RALGAPA1: variants seen among roughly 807,000 people sequenced by gnomAD.
The protein encoded by RALGAPA1 is Ral GTPase activating protein catalytic subunit alpha 1.
A neutral mutation model predicts 269.6 loss-of-function variants in RALGAPA1; 52 were observed. The ratio of observed to expected loss-of-function variants is 0.19; its 90% CI spans 0.15 to 0.24. The LOEUF (loss-of-function observed/expected upper bound fraction) is 0.24. Among genes scored for constraint, RALGAPA1 ranks in the 10% least tolerant of loss-of-function variants. The probability of loss-of-function intolerance (pLI) is 1.00; values close to 1 mark genes in which losing one functional copy is unlikely to be tolerated. For missense variants in RALGAPA1, 1,917 were observed against 3,013.9 expected, an observed-to-expected ratio of 0.64 and a Z score of 8.52; for synonymous variants, 817 against 1,008.3, an observed-to-expected ratio of 0.81 and a Z score of 3.60.
chr14:35,708,031 T>A (rs2067955947), intron 16 of RALGAPA1, among the ~76,000 whole-genome samples: 1 of 152,048 alleles, frequency 6.6e-6, no homozygotes, highest in Non-Finnish European at 1.5e-5. Context: ...GTATCTTCAA[T>A]AAATGGTGCT....
At chr14:35,791,177 C>T (rs913641856) in intron 1 of RALGAPA1, among the ~76,000 whole-genome samples, 8 of 152,088 alleles carry the variant, frequency 5.3e-5, no homozygotes, top group Admixed American at 5.2e-4. Context: ...AGCAATATTA[C>T]AATAGTAGGA....
intron 37 of RALGAPA1, among the ~76,000 whole-genome samples, chr14:35,575,131 G>GAAA (rs61622892): frequency 6.9e-6 from 1 of 144,932 alleles, no homozygotes; most frequent in Non-Finnish European, 1.5e-5. Flanking sequence ...CCATCTCAAA[G>GAAA]AAAAAAAAAA....
At chr14:35,763,793 T>TAGAG (rs1336656004) in intron 4 of RALGAPA1, among the ~76,000 whole-genome samples, 8 of 143,542 alleles carry the variant, frequency 5.6e-5, no homozygotes, top group African/African-American at 1.0e-4. Flanking sequence ...TATATATATA[T>TAGAG]AGAGAGAGAG....
rs771840419 is a variant in RALGAPA1 at position 35,723,280 on chromosome 14, T to C, written c.1867-16A>G. 3 of 1,408,164 alleles carry C rather than the reference T, an allele frequency of 2.1e-6. No individual in the cohort carries two copies. The highest frequency in any genetic ancestry group is 1.3e-5 in the South Asian group (1 of 79,556). 87.2% of individuals were successfully genotyped at this position (1,408,164 alleles called of 1,614,324 possible). ...CTATAAGGGTCTATAAAGACAAATA[T>C]CAGAAATAACAATAAAATGTGTTTA... On this transcript the variant is annotated splice_polypyrimidine_tract_variant and intron_variant, in intron 14 of 41. Transcript: ENST00000680220.
intron 37 of RALGAPA1, among the ~76,000 whole-genome samples, chr14:35,579,277 A>G (rs1273135729): frequency 1.3e-5 from 2 of 152,168 alleles, no homozygotes; most frequent in Non-Finnish European, 1.5e-5. Context: ...ACAGGAGATG[A>G]GATCTAGAGG....
chr14:35,622,516 A>C (rs574347656), intron 35 of RALGAPA1, among the ~76,000 whole-genome samples: 1 of 152,298 alleles, frequency 6.6e-6, no homozygotes, highest in East Asian at 1.9e-4. Context: ...AGTATAATAC[A>C]AAAAAAGTAA....
At chr14:35,628,060 C>A in intron 33 of RALGAPA1, 109 bp from the exon 34 acceptor site, 1 of 1,238,842 alleles carries the variant, frequency 8.1e-7, no homozygotes, top group South Asian at 1.6e-5. Context: ...GTTAATATTT[C>A]CAGTTTAGAT....
At chr14:35,741,592 C>A (rs1443180836) in intron 11 of RALGAPA1, among the ~76,000 whole-genome samples, 1 of 152,150 alleles carries the variant, frequency 6.6e-6, no homozygotes, top group Non-Finnish European at 1.5e-5. Flanking sequence ...AGTGAATAAG[C>A]ATTACTCAAT....
Position 35,572,585 on chromosome 14 carries a change from C to T in RALGAPA1, c.7343G>A (p.Ser2448Asn). The T allele has an allele frequency of 1.2e-6, 2 of 1,602,572 alleles. No individual in the cohort carries two copies. Among genetic ancestry groups the T allele is most frequent in the South Asian group, 1.1e-5 (1 of 88,404 alleles). Reference sequence around the variant, plus strand: ...CTCTGGTTTTTTCATTATCTGAATACTGAACATGTGATTTTTCATTGGATA... The same window carrying T: ...CTCTGGTTTTTTCATTATCTGAATATTGAACATGTGATTTTTCATTGGATA... Reference protein sequence around the residue: ...VIYPMKNHMFSIQIMKKPEVP... With the variant: ...VIYPMKNHMFNIQIMKKPEVP... The change falls in exon 38 of 42, where the codon AGT (serine) becomes AAT (asparagine). Residue 2448 changes from serine (S) to asparagine (N), a missense_variant. Transcript: ENST00000680220.
intron 1 of RALGAPA1, among the ~76,000 whole-genome samples, chr14:35,806,397 C>G (rs1341607466): frequency 6.6e-6 from 1 of 151,674 alleles, no homozygotes; most frequent in African/African-American, 2.4e-5. Flanking sequence ...TCAGACAAGG[C>G]TTTTTTTTCT....
chr14:35,563,578 CTT>C (rs1395860797), intron 39 of RALGAPA1, among the ~76,000 whole-genome samples: 1 of 152,104 alleles, frequency 6.6e-6, no homozygotes, highest in Non-Finnish European at 1.5e-5. Flanking sequence ...AAAATTTACA[CTT>C]GTTTCAATAA....
At chr14:35,769,257 C>T (rs2074438900) in intron 4 of RALGAPA1, among the ~76,000 whole-genome samples, 1 of 151,378 alleles carries the variant, frequency 6.6e-6, no homozygotes, top group African/African-American at 2.4e-5. Context: ...GCGGATATAG[C>T]CATTAAAAAG....
intron 33 of RALGAPA1, among the ~76,000 whole-genome samples, chr14:35,628,599 C>T (rs1259927603): frequency 6.6e-6 from 1 of 152,186 alleles, no homozygotes; most frequent in Non-Finnish European, 1.5e-5. Context: ...TCATTTAAAT[C>T]TGGCTTTTAC....
chr14:35,545,954 T>C (rs1466711455), intron 41 of RALGAPA1, among the ~76,000 whole-genome samples: 1 of 152,142 alleles, frequency 6.6e-6, no homozygotes, highest in African/African-American at 2.4e-5. Flanking sequence ...CTTTTGATAT[T>C]TTCCACACAC....
intron 31 of RALGAPA1, among the ~76,000 whole-genome samples, chr14:35,645,109 G>A (rs766145820): frequency 5.3e-5 from 8 of 152,114 alleles, no homozygotes; most frequent in Non-Finnish European, 7.3e-5. Context: ...CAGTATATGT[G>A]AGGGTCCTCT....
At chr14:35,601,565 A>G (rs1469718601) in intron 36 of RALGAPA1, among the ~76,000 whole-genome samples, 1 of 152,132 alleles carries the variant, frequency 6.6e-6, no homozygotes, top group Non-Finnish European at 1.5e-5. Context: ...TCCTTTGGCT[A>G]GGAAGAGCAG....
intron 14 of RALGAPA1, 68 bp downstream of exon 14, chr14:35,724,956 A>G (rs1335563467): frequency 1.6e-6 from 2 of 1,253,508 alleles, no homozygotes; most frequent in East Asian, 5.5e-5. Flanking sequence ...AAAAACAAAC[A>G]AACAACAAAA....
chr14:35,657,496 T>C (rs1443888981), intron 28 of RALGAPA1, among the ~76,000 whole-genome samples: 1 of 148,630 alleles, frequency 6.7e-6, no homozygotes, highest in Non-Finnish European at 1.5e-5. Context: ...GGCCTGGGAG[T>C]ATGTTTCTAA....
At chr14:35,775,153 A>G in intron 2 of RALGAPA1, 98 bp from the exon 3 acceptor site, 1 of 705,786 alleles carries the variant, frequency 1.4e-6, no homozygotes, top group African/African-American at 1.8e-5. Context: ...TTTCCCAGCA[A>G]TTATTTAGTA....
Sources: allele counts gnomAD v4.1 joint callset (sites outside exome capture counted in the v4.1 genomes callset), GRCh38; gene constraint gnomAD v4.1.1; transcripts MANE v1.5; gene names NCBI Gene and HGNC (gene_info 2026-07-23, HGNC 2026-07-21).